Variants in WARS2 observed in about 807,000 individuals in gnomAD.
WARS2 encodes tryptophanyl tRNA synthetase 2, mitochondrial.
A neutral mutation model predicts 36.5 loss-of-function variants in WARS2; 28 were observed. That is an observed-to-expected ratio of 0.77 (90% CI 0.57 to 1.05). The LOEUF (loss-of-function observed/expected upper bound fraction) is 1.05. WARS2 is among the 50% of genes least tolerant of loss of function. The probability of loss-of-function intolerance (pLI) is 0.00; values close to 1 mark genes in which losing one functional copy is unlikely to be tolerated. For missense variants in WARS2, 435 were observed against 456.8 expected (o/e 0.95, Z 0.44); for synonymous variants, 174 against 178.4 (o/e 0.98, Z 0.20).
chr1:119,118,930 A>G (rs1286780908), intron 1 of WARS2, among the ~76,000 whole-genome samples: 1 of 152,222 alleles, frequency 6.6e-6, no homozygotes, highest in Non-Finnish European at 1.5e-5. Context: ...TGCTAAAAGG[A>G]GTCATAAATC....
At chr1:119,108,172 T>G (rs10923750) in intron 1 of WARS2, among the ~76,000 whole-genome samples, 42,382 of 151,844 alleles carry the variant, frequency 0.28, 6,290 homozygotes, top group African/African-American at 0.37. Context: ...TTGTCTTTTA[T>G]TGGTATAGGG....
chr1:119,074,183 T>C (rs587649885), intron 2 of WARS2, among the ~76,000 whole-genome samples: 44 of 152,288 alleles, frequency 2.9e-4, no homozygotes, highest in African/African-American at 9.6e-4. Flanking sequence ...CTCTCCAACA[T>C]TGGCAATGGA....
At chr1:119,043,060 G>C (rs899942968) in intron 3 of WARS2, among the ~76,000 whole-genome samples, 1 of 152,130 alleles carries the variant, frequency 6.6e-6, no homozygotes, top group African/African-American at 2.4e-5. Context: ...ACTGGGGGGG[G>C]CAATAGATGC....
At chr1:119,090,353 C>T (rs1055352458) in intron 1 of WARS2, among the ~76,000 whole-genome samples, 2 of 152,086 alleles carry the variant, frequency 1.3e-5, no homozygotes, top group Non-Finnish European at 2.9e-5. Flanking sequence ...CTTCCTTGTA[C>T]AAATCACGGA....
At position 119,032,995 on chromosome 1, in the gene WARS2, C is replaced by G; in HGVS notation, c.999G>C (p.Lys333Asn). 1.9e-6 allele frequency: 3 copies of G among 1,614,208 alleles called. No individual in the cohort carries two copies. The highest frequency in any genetic ancestry group is 2.5e-6 in the Non-Finnish European group (3 of 1,180,040). Residue 333 changes from lysine (K) to asparagine (N), a missense_variant, in exon 6 of 6, where the codon AAG (lysine) becomes AAC (asparagine). Physicochemically the swap from Lys to Asn is moderately conservative, Grantham distance 94. Transcript: ENST00000235521. ...CTTTTGCTGATCCAATTTGTAAAAC[C>G]TTCTCTAAATGGTCCTTGTCCAGCT... ...KLKLDKDHLE[K>N]VLQIGSAKAK...
At chr1:119,078,929 G>C (rs1175714903) in intron 1 of WARS2, among the ~76,000 whole-genome samples, 1 of 146,804 alleles carries the variant, frequency 6.8e-6, no homozygotes, top group Non-Finnish European at 1.5e-5. Context: ...TGCATATATG[G>C]ATACATACAT....
intron 1 of WARS2, among the ~76,000 whole-genome samples, chr1:119,098,836 A>G (rs1453726683): frequency 6.6e-6 from 1 of 152,060 alleles, no homozygotes; most frequent in Non-Finnish European, 1.5e-5. Flanking sequence ...TCCTGGATAC[A>G]AGTGATTCTC....
intron 1 of WARS2, among the ~76,000 whole-genome samples, chr1:119,109,039 TACTG>T (rs1303340030): frequency 6.6e-6 from 1 of 151,970 alleles, no homozygotes; most frequent in African/African-American, 2.4e-5. Flanking sequence ...ATCTTTCTGT[TACTG>T]ACTACTAGTT....
At chr1:119,057,024 A>C (rs1299486037) in intron 2 of WARS2, among the ~76,000 whole-genome samples, 1 of 152,238 alleles carries the variant, frequency 6.6e-6, no homozygotes, top group African/African-American at 2.4e-5. Context: ...CATACTTACC[A>C]AAGCATAGTA....
chr1:119,103,803 CAT>C (rs1654041197), intron 1 of WARS2, among the ~76,000 whole-genome samples: 2 of 151,798 alleles, frequency 1.3e-5, no homozygotes, highest in East Asian at 1.9e-4. Flanking sequence ...AAACAATTTA[CAT>C]ATGTTAGGGC....
intron 1 of WARS2, among the ~76,000 whole-genome samples, chr1:119,120,852 T>C (rs1274290980): frequency 1.3e-5 from 2 of 152,090 alleles, no homozygotes; most frequent in Non-Finnish European, 2.9e-5. Flanking sequence ...CATTCCTTTA[T>C]GATTAAAACC....
At chr1:119,038,528 T>C (rs17023135) in intron 4 of WARS2, among the ~76,000 whole-genome samples, 17,194 of 152,198 alleles carry the variant, frequency 0.11, 1,070 homozygotes, top group Non-Finnish European at 0.13. Flanking sequence ...TGATGACACC[T>C]CTTCTCTGAC....
chr1:119,033,088 G>T lies in WARS2; in HGVS notation c.906C>A (p.Tyr302Ter). 6.2e-7 allele frequency: 1 copy of T among 1,614,240 alleles called. No homozygotes were observed. The highest frequency in any genetic ancestry group is 8.5e-7 in the Non-Finnish European group (1 of 1,180,056). The change falls in exon 6 of 6, where the codon TAC (tyrosine) becomes TAA (stop). Residue 302 changes from tyrosine (Y) to a stop codon, truncating the protein, a stop_gained. Transcript: ENST00000235521. LOFTEE classifies it high-confidence loss of function. ...RRSAGMNTAR[Y>*]KLAVADAVIE... ...TCACAGCATCTGCCACGGCCAGCTT[G>T]TAGCGAGCAGTGTTCATGCCCGCGC...
At chr1:119,058,567 T>C (rs900370093) in intron 2 of WARS2, among the ~76,000 whole-genome samples, 1 of 129,808 alleles carries the variant, frequency 7.7e-6, no homozygotes, top group Non-Finnish European at 1.6e-5. Flanking sequence ...TGTTTGGTTT[T>C]TTGTTCTTGC....
intron 1 of WARS2, among the ~76,000 whole-genome samples, chr1:119,093,404 C>T (rs1322015687): frequency 6.6e-6 from 1 of 150,840 alleles, no homozygotes; most frequent in African/African-American, 2.5e-5. Flanking sequence ...TTCATGTCTA[C>T]CTAGAACTTC....
chr1:119,037,449 C>T (rs1286513494), intron 4 of WARS2, among the ~76,000 whole-genome samples: 2 of 152,190 alleles, frequency 1.3e-5, no homozygotes, highest in African/African-American at 4.8e-5. Context: ...GTTTTCAGTG[C>T]TGCTGCCTTT....
At chr1:119,055,734 A>AGAGG (rs371769586) in intron 2 of WARS2, among the ~76,000 whole-genome samples, 35 of 149,940 alleles carry the variant, frequency 2.3e-4, no homozygotes, top group African/African-American at 6.8e-4. Context: ...GAGGAGGAGA[A>AGAGG]GAGGGAGGGA....
At position 119,076,596 on chromosome 1, in the gene WARS2, C is replaced by T. The variant is rs1651752277; in HGVS notation, c.102G>A (p.Lys34=). 2 of 1,614,106 alleles carry T rather than the reference C, an allele frequency of 1.2e-6. No individual in the cohort carries two copies. The highest frequency in any genetic ancestry group is 1.7e-6 in the Non-Finnish European group (2 of 1,180,004). The change falls in exon 2 of 6, where the codon AAG becomes AAA. Residue 34 remains lysine, a synonymous_variant. Transcript: ENST00000235521. ...GTTGAATGCCGGAAAATACTCGCTT[C>T]TTGCTGTCTTTCTGGAACAAAGGAA... ...AAAPALQKDS[K]KRVFSGIQPT...
At chr1:119,139,954 T>C (rs1465491863) in intron 1 of WARS2, 1 of 152,088 alleles carries the variant, frequency 6.6e-6, no homozygotes, top group Admixed American at 6.5e-5. Flanking sequence ...AACAGCAGTG[T>C]TGTCAAGCGC....
Sources: allele counts gnomAD v4.1 joint callset (sites outside exome capture counted in the v4.1 genomes callset), GRCh38; gene constraint gnomAD v4.1.1; transcripts MANE v1.5; gene names NCBI Gene and HGNC (gene_info 2026-07-23, HGNC 2026-07-21).